The following ITGB5 variants were observed in gnomAD, a reference collection of about 807,000 sequenced individuals.
The protein encoded by ITGB5 is integrin beta-5.
In ITGB5, 38 loss-of-function variants were observed where a neutral mutation model predicts 84.8. The ratio of observed to expected loss-of-function variants is 0.45; its 90% confidence interval spans 0.35 to 0.59. The LOEUF is 0.59. Ranked by LOEUF, ITGB5 falls within the 20% of genes least tolerant of loss-of-function variation. The probability of loss-of-function intolerance (pLI) is 0.01; values close to 1 mark genes in which losing one functional copy is unlikely to be tolerated. For synonymous variants in ITGB5, 393 were observed against 414.4 expected, an observed-to-expected ratio of 0.95 and a Z score of 0.63; for missense variants, 905 against 1,034.5, an observed-to-expected ratio of 0.87 and a Z score of 1.72.
chr3:124,831,073 T>C (rs983939438), intron 5 of ITGB5, among the ~76,000 whole-genome samples: 12 of 152,100 alleles, frequency 7.9e-5, no homozygotes, highest in Non-Finnish European at 1.5e-4. Flanking sequence ...CCCTAGTACA[T>C]CCCCTGGAAT....
At chr3:124,874,838 A>G (rs1331664471) in intron 1 of ITGB5, among the ~76,000 whole-genome samples, 1 of 152,224 alleles carries the variant, frequency 6.6e-6, no homozygotes, top group East Asian at 1.9e-4. Context: ...ATCTCACACT[A>G]TATTTAAAAA....
At chr3:124,825,563 G>A (rs1298252768) in intron 5 of ITGB5, among the ~76,000 whole-genome samples, 1 of 152,144 alleles carries the variant, frequency 6.6e-6, no homozygotes, top group East Asian at 1.9e-4. Context: ...GAATCTCAAA[G>A]CATTACGTTA....
At chr3:124,784,199 T>C (rs1302109079) in intron 10 of ITGB5, among the ~76,000 whole-genome samples, 4 of 152,206 alleles carry the variant, frequency 2.6e-5, no homozygotes, top group African/African-American at 4.8e-5. Context: ...GCCTTTCTGG[T>C]CTTAGCCACC....
chr3:124,765,965 G>A (rs573098309), intron 13 of ITGB5, among the ~76,000 whole-genome samples: 219 of 151,796 alleles, frequency 1.4e-3, no homozygotes, highest in African/African-American at 4.1e-3. Context: ...AGGCTGAAGC[G>A]GGAGGATCAC....
chr3:124,873,581 A>G (rs75716860), intron 1 of ITGB5, 50 bp from the exon 2 acceptor site: 33 of 1,361,512 alleles, frequency 2.4e-5, no homozygotes, highest in Non-Finnish European at 3.5e-5. Context: ...TATAAACTTC[A>G]TGGATCAAGC....
intron 5 of ITGB5, among the ~76,000 whole-genome samples, chr3:124,829,483 C>A (rs1408298412): frequency 6.6e-6 from 1 of 152,220 alleles, no homozygotes; most frequent in Non-Finnish European, 1.5e-5. Context: ...CTCCTGCTTC[C>A]ACACTCATGC....
At chr3:124,825,219 G>T (rs188083548) in intron 5 of ITGB5, among the ~76,000 whole-genome samples, 1 of 149,990 alleles carries the variant, frequency 6.7e-6, no homozygotes, top group African/African-American at 2.5e-5. Flanking sequence ...AAAAAAAGTG[G>T]AAAGATTAGA....
intron 1 of ITGB5, among the ~76,000 whole-genome samples, chr3:124,877,577 A>C (rs62265657): frequency 0.16 from 25,103 of 152,214 alleles, 2,309 homozygotes; most frequent in South Asian, 0.22. Flanking sequence ...AAGATGAGCT[A>C]GTCAAGTTGC....
chr3:124,829,011 G>C (rs940252059), intron 5 of ITGB5, among the ~76,000 whole-genome samples: 1 of 152,144 alleles, frequency 6.6e-6, no homozygotes, highest in Non-Finnish European at 1.5e-5. Flanking sequence ...TACACATTGA[G>C]CACCCCATTC....
chr3:124,795,050 C>T (rs2064202681), intron 10 of ITGB5, among the ~76,000 whole-genome samples: 1 of 152,054 alleles, frequency 6.6e-6, no homozygotes. Context: ...AAGGAAGAGA[C>T]TTGGGGTGTC....
At chr3:124,788,137 C>G (rs3821537) in intron 10 of ITGB5, among the ~76,000 whole-genome samples, 32,936 of 151,896 alleles carry the variant, frequency 0.22, 3,959 homozygotes, top group East Asian at 0.28. Flanking sequence ...TGAGCTCAAG[C>G]AATCCACCCA....
intron 2 of ITGB5, among the ~76,000 whole-genome samples, chr3:124,861,481 C>CATATATATATATATATATATAT (rs771303161): frequency 1.7e-5 from 2 of 117,726 alleles, no homozygotes; most frequent in Non-Finnish European, 3.4e-5. Context: ...CAAAACAAAA[C>CATATATATATATATATATATAT]ATATATATAT....
chr3:124,801,287 G>C (rs916341414), intron 9 of ITGB5, among the ~76,000 whole-genome samples: 3 of 152,182 alleles, frequency 2.0e-5, no homozygotes, highest in African/African-American at 4.8e-5. Context: ...GGTTGGTGTA[G>C]GATAAAGGGA....
At chr3:124,828,474 G>GT (rs1392904962) in intron 5 of ITGB5, among the ~76,000 whole-genome samples, 2 of 152,214 alleles carry the variant, frequency 1.3e-5, no homozygotes, top group Non-Finnish European at 2.9e-5. Context: ...CTAGTGTGTA[G>GT]TGACAGAAAG....
intron 2 of ITGB5, among the ~76,000 whole-genome samples, chr3:124,861,790 G>A (rs2065307318): frequency 6.6e-6 from 1 of 152,090 alleles, no homozygotes; most frequent in South Asian, 2.1e-4. Flanking sequence ...TCGATCTCCT[G>A]ACCTTATGAT....
intron 2 of ITGB5, among the ~76,000 whole-genome samples, chr3:124,860,030 A>C (rs2065274649): frequency 6.6e-6 from 1 of 152,202 alleles, no homozygotes; most frequent in Non-Finnish European, 1.5e-5. Context: ...TAAGTTGTTC[A>C]CTTATCATCT....
intron 10 of ITGB5, among the ~76,000 whole-genome samples, chr3:124,781,945 G>C (rs1259491988): frequency 6.6e-6 from 1 of 152,178 alleles, no homozygotes; most frequent in African/African-American, 2.4e-5. Context: ...CAGTAGGAGA[G>C]GAATAGTGCC....
chr3:124,806,559 G>C (rs1383974605), intron 9 of ITGB5, among the ~76,000 whole-genome samples: 2 of 148,248 alleles, frequency 1.3e-5, no homozygotes, highest in Non-Finnish European at 3.0e-5. Flanking sequence ...TCAGCCTCCC[G>C]AGTAGCTGGG....
chr3:124,900,978 C>A (rs1281434432), intron 1 of ITGB5, among the ~76,000 whole-genome samples: 1 of 152,080 alleles, frequency 6.6e-6, no homozygotes, highest in Non-Finnish European at 1.5e-5. Context: ...AAAAATGATG[C>A]AAATATCTCA....
Sources: gnomAD v4.1 joint callset for allele counts (sites outside exome capture counted in the v4.1 genomes callset) on GRCh38, gnomAD v4.1.1 for gene constraint, MANE v1.5 for transcripts, NCBI Gene and HGNC (gene_info 2026-07-23, HGNC 2026-07-21) for gene names.